CADPS: variants seen among roughly 807,000 people sequenced by gnomAD.
CADPS encodes the protein calcium dependent secretion activator, also known as calcium-dependent secretion activator 1.
Under a neutral mutation model 167.3 loss-of-function variants are expected in CADPS, and 57 were observed. The ratio of observed to expected loss-of-function variants is 0.34; its 90% confidence interval spans 0.28 to 0.42. CADPS has a LOEUF of 0.42. Ranked by LOEUF, CADPS falls within the 20% of genes least tolerant of loss-of-function variation. CADPS has a pLI of 1.00. For missense variants in CADPS, 1,414 were observed against 1,738.1 expected (o/e 0.81, Z 3.32); for synonymous variants, 676 against 635.3 (o/e 1.06, Z -0.96).
intron 6 of CADPS, among the ~76,000 whole-genome samples, chr3:62,614,263 G>T (rs1230861717): frequency 6.6e-6 from 1 of 152,082 alleles, no homozygotes; most frequent in African/African-American, 2.4e-5. Context: ...CTGAAGCTTA[G>T]GAATAAATAA....
At chr3:62,636,874 T>C (rs1442750261) in intron 6 of CADPS, among the ~76,000 whole-genome samples, 3 of 152,098 alleles carry the variant, frequency 2.0e-5, no homozygotes, top group Admixed American at 1.3e-4. Flanking sequence ...CCTCAGAATA[T>C]GTCCTCTGGC....
At chr3:62,600,528 A>G (rs1414831265) in intron 6 of CADPS, among the ~76,000 whole-genome samples, 5 of 152,176 alleles carry the variant, frequency 3.3e-5, no homozygotes, top group Admixed American at 3.3e-4. Flanking sequence ...TGAACAGTGT[A>G]ACTGACTAAT....
chr3:62,454,223 C>G (rs904628735), intron 26 of CADPS, among the ~76,000 whole-genome samples: 1 of 152,202 alleles, frequency 6.6e-6, no homozygotes, highest in Non-Finnish European at 1.5e-5. Flanking sequence ...CAATTAGTGT[C>G]TATGTGACCT....
chr3:62,776,471 G>A lies in CADPS; in HGVS notation c.442-10487C>T, dbSNP rs905525516. Among the ~76,000 whole-genome samples, 73 of 152,256 alleles carry A rather than the reference G, an allele frequency of 4.8e-4. 1 individual carries two copies. The highest frequency in any genetic ancestry group is 1.7e-3 in the African/African-American group (70 of 41,538). On this transcript the variant is annotated intron_variant, in intron 1 of 29. Coordinates refer to ENST00000383710, the MANE Select transcript of CADPS (RefSeq NM_003716.4). ...AGATCAAGACCATCCTGGCTAACAC[G>A]GTGAAACCCCGTCTCTACTAAAAAT...
intron 3 of CADPS, among the ~76,000 whole-genome samples, chr3:62,722,713 G>A (rs754348820): frequency 6.6e-6 from 1 of 152,196 alleles, no homozygotes; most frequent in African/African-American, 2.4e-5. Flanking sequence ...GAGCAAACCT[G>A]CCCTGCTTAG....
intron 8 of CADPS, among the ~76,000 whole-genome samples, chr3:62,576,629 G>GA (rs11445858): frequency 0.2 from 28,539 of 141,536 alleles, 4,498 homozygotes; most frequent in African/African-American, 0.44. Context: ...CATTTCTACT[G>GA]AAAAAAAAAA....
intron 2 of CADPS, among the ~76,000 whole-genome samples, chr3:62,764,009 T>C (rs1175840435): frequency 6.6e-6 from 1 of 152,216 alleles, no homozygotes; most frequent in Non-Finnish European, 1.5e-5. Flanking sequence ...ATTTTCACAT[T>C]TAATTAATAG....
intron 21 of CADPS, among the ~76,000 whole-genome samples, chr3:62,488,843 A>C (rs1197887938): frequency 6.6e-6 from 1 of 152,204 alleles, no homozygotes; most frequent in African/African-American, 2.4e-5. Context: ...TATACTATTT[A>C]GTATGAATTG....
chr3:62,709,937 T>C (rs1580891566), intron 3 of CADPS, among the ~76,000 whole-genome samples: 1 of 151,360 alleles, frequency 6.6e-6, no homozygotes, highest in African/African-American at 2.4e-5. Context: ...ACCTGGCTAA[T>C]TTTTTTTGTA....
At chr3:62,577,386 A>G (rs2082491367) in intron 8 of CADPS, among the ~76,000 whole-genome samples, 1 of 152,134 alleles carries the variant, frequency 6.6e-6, no homozygotes, top group Non-Finnish European at 1.5e-5. Context: ...CTTGTCAGAA[A>G]TTCTTCATAA....
At chr3:62,790,505 T>A (rs1047833787) in intron 1 of CADPS, among the ~76,000 whole-genome samples, 9 of 152,162 alleles carry the variant, frequency 5.9e-5, no homozygotes, top group Non-Finnish European at 1.0e-4. Flanking sequence ...CAGTGCTATA[T>A]TTCAGTGATT....
At chr3:62,415,007 C>T (rs1411370223) in intron 28 of CADPS, among the ~76,000 whole-genome samples, 2 of 152,138 alleles carry the variant, frequency 1.3e-5, no homozygotes, top group Non-Finnish European at 2.9e-5. Flanking sequence ...GACACAGACC[C>T]TCCCGTCTGA....
chr3:62,616,267 T>G (rs2062273132), intron 6 of CADPS, among the ~76,000 whole-genome samples: 1 of 152,198 alleles, frequency 6.6e-6, no homozygotes, highest in Non-Finnish European at 1.5e-5. Context: ...GTGTCCAACA[T>G]GAAAATTCAG....
At chr3:62,482,825 T>C (rs548577194) in intron 21 of CADPS, among the ~76,000 whole-genome samples, 6 of 152,208 alleles carry the variant, frequency 3.9e-5, no homozygotes, top group Non-Finnish European at 8.8e-5. Flanking sequence ...TGTATTTTTC[T>C]GTAAAAAGTT....
At chr3:62,494,563 C>G in intron 18 of CADPS, among the ~76,000 whole-genome samples, 1 of 152,020 alleles carries the variant, frequency 6.6e-6, no homozygotes, top group East Asian at 1.9e-4. Context: ...ATAATTTGCC[C>G]TAGAATGACA....
chr3:62,773,801 A>G (rs1182096313), intron 1 of CADPS, among the ~76,000 whole-genome samples: 1 of 152,188 alleles, frequency 6.6e-6, no homozygotes, highest in Non-Finnish European at 1.5e-5. Context: ...TCTATATATA[A>G]CAATTCTTGC....
intron 9 of CADPS, 29 bp from the exon 10 acceptor site, chr3:62,557,542 G>A (rs763834556): frequency 2.4e-5 from 37 of 1,539,776 alleles, no homozygotes; most frequent in Non-Finnish European, 3.0e-5. Context: ...TTGTGAGGTT[G>A]ACCCCTGGAG....
At chr3:62,598,274 C>A (rs1337451255) in intron 6 of CADPS, among the ~76,000 whole-genome samples, 1 of 152,156 alleles carries the variant, frequency 6.6e-6, no homozygotes, top group Non-Finnish European at 1.5e-5. Context: ...GTCTGGTTAG[C>A]CTGGACTGAG....
intron 28 of CADPS, among the ~76,000 whole-genome samples, chr3:62,424,787 A>T (rs1295289849): frequency 6.6e-6 from 1 of 152,228 alleles, no homozygotes; most frequent in Non-Finnish European, 1.5e-5. Context: ...ACAATTGCAA[A>T]AATCCACAGT....
Sources: gnomAD v4.1 joint callset for allele counts (sites outside exome capture counted in the v4.1 genomes callset) on GRCh38, gnomAD v4.1.1 for gene constraint, MANE v1.5 for transcripts, NCBI Gene and HGNC (gene_info 2026-07-23, HGNC 2026-07-21) for gene names.